Variants in B3GLCT observed in about 807,000 individuals in gnomAD.
B3GLCT encodes the protein beta-1,3-glucosyltransferase.
A neutral mutation model predicts 63.4 loss-of-function variants in B3GLCT; 65 were observed. The ratio of observed to expected loss-of-function variants is 1.03; its 90% CI spans 0.84 to 1.26. The LOEUF is 1.26. B3GLCT is among the 50% of genes most tolerant of loss of function. The pLI, the probability that B3GLCT is intolerant of heterozygous loss-of-function variation, is 0.00. For missense variants in B3GLCT, 577 were observed against 604.8 expected, an observed-to-expected ratio of 0.95 and a Z score of 0.48; for synonymous variants, 233 against 219.2, an observed-to-expected ratio of 1.06 and a Z score of -0.55.
chr13:31,260,801 C>T (rs2137829841), intron 6 of B3GLCT, 145 bp from the exon 7 acceptor site: 1 of 741,816 alleles, frequency 1.3e-6, no homozygotes, highest in Non-Finnish European at 2.2e-6. Flanking sequence ...TATTTTTGTT[C>T]ACATTCTCTA....
chr13:31,206,597 A>G (rs999190415), intron 1 of B3GLCT, among the ~76,000 whole-genome samples: 1 of 151,586 alleles, frequency 6.6e-6, no homozygotes, highest in Non-Finnish European at 1.5e-5. Flanking sequence ...AAAAAAAAAA[A>G]AAAAAAGGTA....
intron 4 of B3GLCT, among the ~76,000 whole-genome samples, chr13:31,236,221 G>T (rs1870640645): frequency 6.6e-6 from 1 of 152,140 alleles, no homozygotes; most frequent in Admixed American, 6.5e-5. Context: ...TATTTCCATT[G>T]ATTCATTGTC....
chr13:31,219,402 A>G (rs1869710756), intron 2 of B3GLCT, among the ~76,000 whole-genome samples: 1 of 152,206 alleles, frequency 6.6e-6, no homozygotes, highest in Non-Finnish European at 1.5e-5. Flanking sequence ...ACTGTTTTAT[A>G]TTACACAGCC....
chr13:31,208,278 C>T (rs984966217), intron 1 of B3GLCT, among the ~76,000 whole-genome samples: 1 of 152,162 alleles, frequency 6.6e-6, no homozygotes, highest in Non-Finnish European at 1.5e-5. Flanking sequence ...TTCTCCTCCC[C>T]ATCTGGCCAT....
intron 13 of B3GLCT, among the ~76,000 whole-genome samples, chr13:31,319,548 C>T (rs766520150): frequency 2.0e-5 from 3 of 152,210 alleles, no homozygotes; most frequent in African/African-American, 4.8e-5. Context: ...CTTTCCAGAG[C>T]GCCATCCTAT....
At chr13:31,329,364 T>C in intron 14 of B3GLCT, 137 bp from the exon 15 acceptor site, 1 of 955,170 alleles carries the variant, frequency 1.0e-6, no homozygotes, top group Non-Finnish European at 1.6e-6. Flanking sequence ...AGAAAATAGT[T>C]TCCTTTTTGC....
chr13:31,331,415 TTCTAC>T lies in B3GLCT; in HGVS notation c.*1749_*1753del, dbSNP rs3067594. ...TTTCTTCTGTGGTCTGATTAGTGCC[TTCTAC>T]TGATACCGGGGCACCTCCTCTGGTA... is the stretch of plus-strand genomic sequence containing the variant. On this transcript the variant is annotated 3_prime_UTR_variant, in exon 15 of 15. Coordinates refer to ENST00000343307, the MANE Select transcript of B3GLCT (RefSeq NM_194318.4). The T allele has an allele frequency of 0.66, 100,458 of 151,678 alleles. 34,514 individuals carry two copies. Among genetic ancestry groups the T allele is most frequent in the Non-Finnish European group, 0.77 (51,960 of 67,848 alleles). 9.4% of individuals were successfully genotyped at this position (151,678 alleles called of 1,614,324 possible).
rs149236335 is a variant in B3GLCT at position 31,298,016 on chromosome 13, C to T, written c.1064+11197C>T. Among the ~76,000 whole-genome samples, 20 of 152,234 alleles carry T rather than the reference C, an allele frequency of 1.3e-4. No individual in the cohort carries two copies. The East Asian group carries it at 3.1e-3, about 24-fold the overall frequency. Reference sequence around the variant, plus strand: ...TTATGAAGGCTTCATTATATAGCCACGATTGATTAAACCATTGGCCACTGA... The same window carrying T: ...TTATGAAGGCTTCATTATATAGCCATGATTGATTAAACCATTGGCCACTGA... On this transcript the variant is annotated intron_variant, in intron 12 of 14. Transcript: ENST00000343307.
At chr13:31,286,596 G>A in intron 11 of B3GLCT, 124 bp from the exon 12 acceptor site, 1 of 655,888 alleles carries the variant, frequency 1.5e-6, no homozygotes, top group Non-Finnish European at 2.6e-6. Flanking sequence ...TAAAAATTTT[G>A]AACTTTTAAG....
intron 6 of B3GLCT, among the ~76,000 whole-genome samples, chr13:31,257,449 A>G (rs1329975890): frequency 6.6e-6 from 1 of 152,006 alleles, no homozygotes; most frequent in Non-Finnish European, 1.5e-5. Context: ...CTTACCCAGT[A>G]ATGATTTAAT....
intron 1 of B3GLCT, among the ~76,000 whole-genome samples, chr13:31,201,283 A>G (rs530931314): frequency 5.3e-5 from 8 of 152,336 alleles, no homozygotes; most frequent in African/African-American, 1.7e-4. Context: ...AGCTCTCTGA[A>G]TAAGGATTAA....
chr13:31,268,010 T>G (rs997149402), intron 7 of B3GLCT, among the ~76,000 whole-genome samples: 1 of 151,894 alleles, frequency 6.6e-6, no homozygotes, highest in Non-Finnish European at 1.5e-5. Flanking sequence ...AACTTAAAAA[T>G]TTTTTTTTAA....
intron 4 of B3GLCT, among the ~76,000 whole-genome samples, chr13:31,233,662 T>A (rs1334900134): frequency 1.3e-5 from 2 of 152,148 alleles, no homozygotes; most frequent in Non-Finnish European, 2.9e-5. Flanking sequence ...TATGTACCTA[T>A]GTCCAGGATA....
chr13:31,312,730 A>G (rs1203217526), intron 12 of B3GLCT: 7 of 152,258 alleles, frequency 4.6e-5, no homozygotes, highest in Admixed American at 3.3e-4. Context: ...AAAACTTTCC[A>G]TAAGACTAAT....
At chr13:31,240,375 C>T (rs1464608345) in intron 4 of B3GLCT, among the ~76,000 whole-genome samples, 10 of 151,860 alleles carry the variant, frequency 6.6e-5, no homozygotes, top group Admixed American at 1.3e-4. Flanking sequence ...CTGGCATAAT[C>T]TCAACTTTAC....
chr13:31,252,649 A>G (rs186455701), intron 6 of B3GLCT, among the ~76,000 whole-genome samples: 1 of 152,358 alleles, frequency 6.6e-6, no homozygotes, highest in East Asian at 1.9e-4. Flanking sequence ...AAAGGGATCA[A>G]CACAACAAGA....
In B3GLCT at chr13:31,280,351, G is replaced by A. The variant is rs1056229831; in HGVS notation, c.850+3580G>A. Reference sequence around the variant, plus strand: ...ATGTTCTCCTGCCATGGCTTCAGCCGGTCCCTCCGTTTGGGGTCCCTGACT... The same window carrying A: ...ATGTTCTCCTGCCATGGCTTCAGCCAGTCCCTCCGTTTGGGGTCCCTGACT... On this transcript the variant is annotated intron_variant, in intron 10 of 14. Transcript: ENST00000343307. Among the ~76,000 whole-genome samples the A allele has an allele frequency of 2.0e-5, 3 of 152,152 alleles. No individual in the cohort carries two copies. In the East Asian group the frequency reaches 5.8e-4, roughly 29 times the overall value.
At chr13:31,299,342 A>G (rs1176726009) in intron 12 of B3GLCT, among the ~76,000 whole-genome samples, 1 of 152,176 alleles carries the variant, frequency 6.6e-6, no homozygotes, top group East Asian at 1.9e-4. Context: ...CTTGGTCTGA[A>G]GAAATGACGA....
rs202096313 is a variant in B3GLCT, at chr13:31,323,745, C to G, written c.1185-6C>G. On this transcript the variant is annotated splice_polypyrimidine_tract_variant and splice_region_variant and intron_variant, in intron 13 of 14. Coordinates refer to ENST00000343307, the MANE Select transcript of B3GLCT (RefSeq NM_194318.4). Reference sequence around the variant, plus strand: ...TAACCCCTTTCTCTGCTCTGGCTCCCACTAGAATGGTCTTCAGCAGAGAAG... The same window carrying G: ...TAACCCCTTTCTCTGCTCTGGCTCCGACTAGAATGGTCTTCAGCAGAGAAG... The G allele has an allele frequency of 1.1e-3, 1,821 of 1,614,074 alleles. 19 individuals carry two copies. In the Middle Eastern group the frequency reaches 0.014, roughly 12 times the overall value.
Sources: gnomAD v4.1 joint callset for allele counts (sites outside exome capture counted in the v4.1 genomes callset) on GRCh38, gnomAD v4.1.1 for gene constraint, MANE v1.5 for transcripts, NCBI Gene and HGNC (gene_info 2026-07-23, HGNC 2026-07-21) for gene names.